The following ZFP36L2 variants were observed in gnomAD, a reference collection of about 807,000 sequenced individuals.
ZFP36L2 encodes the protein mRNA decay activator protein ZFP36L2.
In ZFP36L2, 16 loss-of-function variants were observed where a neutral mutation model predicts 27.9. The ratio of observed to expected loss-of-function variants is 0.57; its 90% CI spans 0.39 to 0.87. The LOEUF (loss-of-function observed/expected upper bound fraction) is 0.87, where lower values mean the gene tolerates loss of function less well. ZFP36L2 is among the 40% of genes least tolerant of loss of function. The pLI is 0.00. For synonymous variants in ZFP36L2, 600 were observed against 363.8 expected (o/e 1.65, Z -7.39); for missense variants, 989 against 726.9 (o/e 1.36, Z -4.15).
rs1667112250 is a variant in ZFP36L2, at chr2:43,226,550, G to C, written c.-235C>G. 1.9e-6 allele frequency: 1 copy of C among 524,606 alleles called. No individual in the cohort carries two copies. The highest frequency in any genetic ancestry group is 3.3e-6 in the Non-Finnish European group (1 of 304,052). 32.5% of individuals were successfully genotyped at this position (524,606 alleles called of 1,614,324 possible). On this transcript the variant is annotated 5_prime_UTR_variant, in exon 1 of 2. Coordinates refer to ENST00000282388, the MANE Select transcript of ZFP36L2 (RefSeq NM_006887.5). Reference sequence around the variant, plus strand: ...CGAGGAGCGCTCCTCCGCGCCCCGGGGTGCCCGGCCCGCCCCCCCCGCGGA... The same window carrying C: ...CGAGGAGCGCTCCTCCGCGCCCCGGCGTGCCCGGCCCGCCCCCCCCGCGGA...
Position 43,224,159 on chromosome 2 carries a change from G to C in ZFP36L2, c.*160C>G. 1 of 616,694 alleles carries C rather than the reference G, an allele frequency of 1.6e-6. No individual in the cohort carries two copies. The highest frequency in any genetic ancestry group is 6.4e-5 in the South Asian group (1 of 15,606). The allele number at this position is 616,694 out of a possible 1,614,324, so 38.2% of individuals were successfully genotyped here. On this transcript the variant is annotated 3_prime_UTR_variant, in exon 2 of 2. Coordinates refer to ENST00000282388, the MANE Select transcript of ZFP36L2 (RefSeq NM_006887.5). The stretch of plus-strand genomic sequence containing the variant: ...AAAGGAGGGGTGGGGGCCCCTCCCG[G>C]CACAGAGTTCGAGTCCAAGTGCTCG...
chr2:43,224,459 G>T lies in ZFP36L2; in HGVS notation c.1345C>A (p.Pro449Thr). Residue 449 changes from proline to threonine, a missense_variant, in exon 2 of 2, where the codon CCC becomes ACC. Transcript: ENST00000282388. ...DSPVFDAPPS[P>T]PDSLSDRDSY... ...TCGCGGTCCGACAGCGAGTCCGGGG[G>T]GCTGGGGGGCGCGTCGAACACGGGC... 2.0e-6 allele frequency: 3 copies of T among 1,516,634 alleles called. No homozygotes were observed. The highest frequency in any genetic ancestry group is 2.6e-6 in the Non-Finnish European group (3 of 1,138,026). 93.9% of individuals were successfully genotyped at this position (1,516,634 alleles called of 1,614,324 possible).
rs1558429204 is a variant in ZFP36L2, at chr2:43,225,691, G to A, written c.113C>T (p.Thr38Met). 1 of 1,595,182 alleles carries A rather than the reference G, an allele frequency of 6.3e-7. No homozygotes were observed. The highest frequency in any genetic ancestry group is 2.3e-5 in the East Asian group (1 of 44,402). ...CGAGCTGGGGGCGGCGGCCACAGGC[G>A]TCCCCACCGCCTTCTTGTCCAGCAT... ...NNMLDKKAVG[T>M]PVAAAPSSGF... The change falls in exon 2 of 2, where the codon ACG (threonine) becomes ATG (methionine). Residue 38 changes from threonine to methionine, a missense_variant. Transcript: ENST00000282388.
In ZFP36L2 at chr2:43,224,918, C is replaced by T; in HGVS notation, c.886G>A (p.Ala296Thr). Residue 296 changes from alanine (A) to threonine (T), a missense_variant, in exon 2 of 2, where the codon GCC becomes ACC. Transcript: ENST00000282388. ...GAGGCGGAGGAGGAGCAGGACGAGG[C>T]CGAAGAGCAGGAGGGCGGCGGCGGC... ...RTPPPPSCSS[A>T]SSCSSSASSC... 3.2e-6 allele frequency: 5 copies of T among 1,549,796 alleles called. No homozygotes were observed. The Admixed American group carries it at 8.0e-5, about 25-fold the overall frequency.
chr2:43,225,265 A>C lies in ZFP36L2; in HGVS notation c.539T>G (p.Phe180Cys). 6.2e-7 allele frequency: 1 copy of C among 1,611,040 alleles called. No homozygotes were observed. The highest frequency in any genetic ancestry group is 1.1e-5 in the South Asian group (1 of 91,070). ...GCGAGTCAGGCTGCGCAGCTCGTGG[A>C]AGCCATGCGCGAACTGGCACTTTTC... ...YGEKCQFAHG[F>C]HELRSLTRHP... Residue 180 changes from phenylalanine (F) to cysteine (C), a missense_variant, in exon 2 of 2, where the codon TTC becomes TGC. By Grantham distance (205) the Phe-to-Cys change is radical. Coordinates refer to ENST00000282388, the MANE Select transcript of ZFP36L2 (RefSeq NM_006887.5).
At position 43,226,463 on chromosome 2, in the gene ZFP36L2, A is replaced by T; in HGVS notation, c.-148T>A. 9.9e-7 allele frequency: 1 copy of T among 1,011,882 alleles called. No homozygotes were observed. The highest frequency in any genetic ancestry group is 1.5e-6 in the Non-Finnish European group (1 of 684,158). 62.7% of individuals were successfully genotyped at this position (1,011,882 alleles called of 1,614,324 possible). ...TGCCGGGGGGCGAGAGGAGAGGGCGAGTGCAGCGGCGCGGGCCGGCGGGAG... is the reference window on the plus strand; with the variant it reads ...TGCCGGGGGGCGAGAGGAGAGGGCGTGTGCAGCGGCGCGGGCCGGCGGGAG... On this transcript the variant is annotated 5_prime_UTR_variant, in exon 1 of 2. Transcript: ENST00000282388.
rs1416711521 is a variant in ZFP36L2, at chr2:43,225,546, G to A, written c.258C>T (p.Ser86=). 4 of 1,580,916 alleles carry A rather than the reference G, an allele frequency of 2.5e-6. No homozygotes were observed. The highest frequency in any genetic ancestry group is 3.4e-6 in the Non-Finnish European group (4 of 1,167,694). ...GACCGCCGGCCGCCGCGCTGCCGCA[G>A]CTGCTGCCGTTAGCGGCGCCCGGGA... ...PKFPGAANGS[S]CGSAAAGGPT... is the part of the protein sequence containing the mutation. The change falls in exon 2 of 2, where the codon AGC becomes AGT. Residue 86 remains serine, a synonymous_variant. Coordinates refer to ENST00000282388, the MANE Select transcript of ZFP36L2 (RefSeq NM_006887.5).
At position 43,225,659 on chromosome 2, in the gene ZFP36L2, C is replaced by G. The variant is rs991687116; in HGVS notation, c.145G>C (p.Ala49Pro). Residue 49 changes from alanine to proline, a missense_variant, in exon 2 of 2, where the codon GCG becomes CCG. Physicochemically the swap from Ala to Pro is conservative, Grantham distance 27. Transcript: ENST00000282388. ...GAGTGCCGTCGGAGGAATCCCGGCG[C>G]GAAGCCCGAGCTGGGGGCGGCGGCC... Reference protein sequence around the residue: ...PVAAAPSSGFAPGFLRRHSAS... With the variant: ...PVAAAPSSGFPPGFLRRHSAS... The G allele has an allele frequency of 6.3e-7, 1 of 1,585,938 alleles. No individual in the cohort carries two copies. The highest frequency in any genetic ancestry group is 8.5e-7 in the Non-Finnish European group (1 of 1,174,290).
Position 43,224,600 on chromosome 2 carries a change from C to CCTGTTGCTG in ZFP36L2, c.1203_1204insCAGCAACAG (p.Gln399_Gln401dup). 1 of 1,413,890 alleles carries CCTGTTGCTG rather than the reference C, an allele frequency of 7.1e-7. No individual in the cohort carries two copies. The highest frequency in any genetic ancestry group is 9.2e-7 in the Non-Finnish European group (1 of 1,083,470). The allele number at this position is 1,413,890 out of a possible 1,614,324, so 87.6% of individuals were successfully genotyped here. ...GGCGGCTGCGCGGGGGGCGCCAGGCCCTGCTGCTGCTGCTGCTGCTGACTG... is the reference window on the plus strand; with the variant it reads ...GGCGGCTGCGCGGGGGGCGCCAGGCCCTGTTGCTGCTGCTGCTGCTGCTGCTGCTGACTG... On this transcript the variant is annotated inframe_insertion, in exon 2 of 2. Transcript: ENST00000282388.
rs1666988589 is a variant in ZFP36L2, at chr2:43,222,425, A to C, written c.*1894T>G. 6.6e-6 allele frequency: 1 copy of C among 152,358 alleles called. No individual in the cohort carries two copies. Among genetic ancestry groups the C allele is most frequent in the Non-Finnish European group, 1.5e-5 (1 of 68,014 alleles). 9.4% of individuals were successfully genotyped at this position (152,358 alleles called of 1,614,324 possible). On this transcript the variant is annotated 3_prime_UTR_variant, in exon 2 of 2. Transcript: ENST00000282388. ...AATACCTTTTTTTCCCAAAAATTTT[A>C]TTGGGGGAAAACTACAAAACATTTA...
chr2:43,225,988 A>G (rs1020779835), intron 1 of ZFP36L2, among the ~76,000 whole-genome samples: 1 of 151,444 alleles, frequency 6.6e-6, no homozygotes, highest in Non-Finnish European at 1.5e-5. Flanking sequence ...TCGACACGTG[A>G]TCCTCCGCCC....
rs769937022 is a variant in ZFP36L2 at position 43,224,722 on chromosome 2, T to G, written c.1082A>C (p.Asn361Thr). The change falls in exon 2 of 2, where the codon AAC (asparagine) becomes ACC (threonine). Residue 361 changes from asparagine (N) to threonine (T), a missense_variant. By Grantham distance (65) the Asn-to-Thr change is moderately conservative. Coordinates refer to ENST00000282388, the MANE Select transcript of ZFP36L2 (RefSeq NM_006887.5). The part of the protein sequence containing the change: ...AACSSASCAN[N>T]AFAFGPELSS... ...GAGCTCCGGACCGAAGGCGAAGGCGTTGTTGGCGCACGAGGCCGACGAGCA... is the reference window on the plus strand; with the variant it reads ...GAGCTCCGGACCGAAGGCGAAGGCGGTGTTGGCGCACGAGGCCGACGAGCA... The G allele has an allele frequency of 3.9e-6, 6 of 1,530,114 alleles. 1 individual carries two copies. In the South Asian group the frequency reaches 7.1e-5, roughly 18 times the overall value. 94.8% of individuals were successfully genotyped at this position (1,530,114 alleles called of 1,614,324 possible). A position where few individuals can be genotyped will look rare whatever the true frequency, so the allele number is the denominator to read the frequency against.
At position 43,223,315 on chromosome 2, in the gene ZFP36L2, GA is replaced by G. The variant is rs1269944688; in HGVS notation, c.*1003del. 3.9e-5 allele frequency: 6 copies of G among 152,172 alleles called. No homozygotes were observed. The highest frequency in any genetic ancestry group is 2.6e-4 in the Admixed American group (4 of 15,270). 9.4% of individuals were successfully genotyped at this position (152,172 alleles called of 1,614,324 possible). On this transcript the variant is annotated 3_prime_UTR_variant, in exon 2 of 2. Coordinates refer to ENST00000282388, the MANE Select transcript of ZFP36L2 (RefSeq NM_006887.5). The stretch of plus-strand genomic sequence containing the variant: ...AGTTACAAAAGGCATATATTACTGT[GA>G]AAAGAACATACACTCCACATTTTGC...
chr2:43,223,991 G>GTTTT lies in ZFP36L2; in HGVS notation c.*324_*327dup, dbSNP rs59794453. 1.2e-5 allele frequency: 2 copies of GTTTT among 162,384 alleles called. No individual in the cohort carries two copies. Among genetic ancestry groups the GTTTT allele is most frequent in the Non-Finnish European group, 2.4e-5 (2 of 82,996 alleles). The allele number at this position is 162,384 out of a possible 1,614,324, so 10.1% of individuals were successfully genotyped here. On this transcript the variant is annotated 3_prime_UTR_variant, in exon 2 of 2. Transcript: ENST00000282388. The stretch of plus-strand genomic sequence containing the variant: ...ATCGGAGTCCTAACAAAGTTTAAGT[G>GTTTT]TTTTTTTTTTTTTTTTGTTCTATTC...
Position 43,225,330 on chromosome 2 carries a change from C to A in ZFP36L2, c.474G>T (p.Leu158=). ...TGCCGCTCTCCTCGAAGGGCCGGCA[C>A]AGCTCGGTCTTGTAGCGCGTGGAGT... ...QINSTRYKTE[L]CRPFEESGTC... is the part of the protein sequence containing the mutation. Residue 158 remains leucine, a synonymous_variant, in exon 2 of 2, where the codon CTG becomes CTT. Transcript: ENST00000282388. The A allele has an allele frequency of 6.2e-7, 1 of 1,613,364 alleles. No homozygotes were observed. Among genetic ancestry groups the A allele is most frequent in the South Asian group, 1.1e-5 (1 of 91,090 alleles).
In ZFP36L2 at chr2:43,224,098, A is replaced by C; in HGVS notation, c.*221T>G. ...TGCTCAAAAAGAATGAAACTTCGTA[A>C]TAAAAATAAAAAAAAAAAGACAAGA... On this transcript the variant is annotated 3_prime_UTR_variant, in exon 2 of 2. Coordinates refer to ENST00000282388, the MANE Select transcript of ZFP36L2 (RefSeq NM_006887.5). 2.4e-6 allele frequency: 1 copy of C among 410,054 alleles called. No homozygotes were observed. Among genetic ancestry groups the C allele is most frequent in the East Asian group, 3.6e-5 (1 of 27,806 alleles). 25.4% of individuals were successfully genotyped at this position (410,054 alleles called of 1,614,324 possible).
In ZFP36L2 at chr2:43,225,543, G is replaced by C; in HGVS notation, c.261C>G (p.Cys87Trp). The change falls in exon 2 of 2, where the codon TGC (cysteine) becomes TGG (tryptophan). Residue 87 changes from cysteine (C) to tryptophan (W), a missense_variant. Physicochemically the swap from Cys to Trp is radical, Grantham distance 215. Transcript: ENST00000282388. ...KFPGAANGSS[C>W]GSAAAGGPTS... is the part of the protein sequence containing the mutation. ...TCGGACCGCCGGCCGCCGCGCTGCCGCAGCTGCTGCCGTTAGCGGCGCCCG... is the reference window on the plus strand; with the variant it reads ...TCGGACCGCCGGCCGCCGCGCTGCCCCAGCTGCTGCCGTTAGCGGCGCCCG... The C allele has an allele frequency of 6.3e-7, 1 of 1,581,058 alleles. No homozygotes were observed. Among genetic ancestry groups the C allele is most frequent in the Non-Finnish European group, 8.6e-7 (1 of 1,167,824 alleles).
At position 43,225,243 on chromosome 2, in the gene ZFP36L2, A is replaced by T. The variant is rs376527348; in HGVS notation, c.561T>A (p.Thr187=). ...AHGFHELRSL[T]RHPKYKTELC... ...GCTCGGTCTTGTACTTCGGATGGCGAGTCAGGCTGCGCAGCTCGTGGAAGC... is the reference window on the plus strand; with the variant it reads ...GCTCGGTCTTGTACTTCGGATGGCGTGTCAGGCTGCGCAGCTCGTGGAAGC... Residue 187 remains threonine (T), a synonymous_variant, in exon 2 of 2, where the codon ACT becomes ACA. Transcript: ENST00000282388. The T allele has an allele frequency of 6.2e-6, 10 of 1,608,974 alleles. No homozygotes were observed. In the South Asian group the frequency reaches 1.1e-4, roughly 18 times the overall value.
intron 1 of ZFP36L2, among the ~76,000 whole-genome samples, chr2:43,226,064 A>G (rs1667092670): frequency 6.6e-6 from 1 of 152,058 alleles, no homozygotes; most frequent in Admixed American, 6.5e-5. Flanking sequence ...CGCGGTCGGC[A>G]GTGGAGAAAC....
Sources: gnomAD v4.1 joint callset for allele counts (sites outside exome capture counted in the v4.1 genomes callset) on GRCh38, gnomAD v4.1.1 for gene constraint, MANE v1.5 for transcripts, NCBI Gene and HGNC (gene_info 2026-07-23, HGNC 2026-07-21) for gene names.